ALK: variants seen among roughly 807,000 people sequenced by gnomAD.
ALK encodes the protein ALK tyrosine kinase receptor.
Under a neutral mutation model 163.1 loss-of-function variants are expected in ALK, and 74 were observed. That is an observed-to-expected ratio of 0.45 (90% CI 0.38 to 0.55). The LOEUF is 0.55. Among genes scored for constraint, ALK ranks in the 20% least tolerant of loss-of-function variants. The pLI is 0.00. For synonymous variants in ALK, 960 were observed against 843.2 expected (o/e 1.14, Z -2.40); for missense variants, 2,063 against 2,105.3 (o/e 0.98, Z 0.39).
chr2:29,531,462 C>A (rs995063544), intron 4 of ALK, among the ~76,000 whole-genome samples: 6 of 152,146 alleles, frequency 3.9e-5, no homozygotes, highest in African/African-American at 1.4e-4. Flanking sequence ...CATGACTAAT[C>A]CTGCTCTGGG....
intron 1 of ALK, among the ~76,000 whole-genome samples, chr2:29,859,844 C>T (rs1241858329): frequency 1.3e-5 from 2 of 152,140 alleles, no homozygotes; most frequent in Admixed American, 6.5e-5. Flanking sequence ...CTATGAGGCT[C>T]GGAAGATGTG....
At chr2:29,732,176 A>G (rs1199000651) in intron 1 of ALK, among the ~76,000 whole-genome samples, 1 of 152,250 alleles carries the variant, frequency 6.6e-6, no homozygotes, top group Admixed American at 6.5e-5. Flanking sequence ...GCCTCATAGC[A>G]TGAGATTTTT....
intron 1 of ALK, among the ~76,000 whole-genome samples, chr2:29,724,086 A>G (rs2148312479): frequency 6.6e-6 from 1 of 152,336 alleles, no homozygotes; most frequent in East Asian, 1.9e-4. Context: ...TGTCAGTATA[A>G]GTAATGAAGA....
intron 3 of ALK, among the ~76,000 whole-genome samples, chr2:29,578,829 C>T (rs183995741): frequency 3.3e-5 from 5 of 152,308 alleles, no homozygotes; most frequent in African/African-American, 9.6e-5. Flanking sequence ...CTGGTTAGTG[C>T]AGATCCCAGC....
intron 5 of ALK, among the ~76,000 whole-genome samples, chr2:29,358,977 G>T (rs1001135531): frequency 6.6e-6 from 1 of 152,008 alleles, no homozygotes; most frequent in African/African-American, 2.4e-5. Context: ...GTACAATTAA[G>T]AATATTCTAG....
intron 4 of ALK, among the ~76,000 whole-genome samples, chr2:29,411,154 G>A (rs1669715665): frequency 6.6e-6 from 1 of 151,904 alleles, no homozygotes; most frequent in African/African-American, 2.4e-5. Flanking sequence ...ATTAGCCTAG[G>A]CCTACACATG....
At chr2:29,615,426 T>C (rs1392751272) in intron 3 of ALK, among the ~76,000 whole-genome samples, 1 of 152,238 alleles carries the variant, frequency 6.6e-6, no homozygotes, top group Non-Finnish European at 1.5e-5. Context: ...CTGTCTGTGC[T>C]GTGGTTCCCT....
At chr2:29,279,207 C>T (rs917149220) in intron 9 of ALK, among the ~76,000 whole-genome samples, 51 of 152,236 alleles carry the variant, frequency 3.4e-4, no homozygotes, top group Non-Finnish European at 3.4e-4. Flanking sequence ...ACAGCAGTGG[C>T]AGCTGCTGCT....
intron 3 of ALK, among the ~76,000 whole-genome samples, chr2:29,599,132 A>T (rs1200949074): frequency 6.6e-6 from 1 of 152,116 alleles, no homozygotes; most frequent in African/African-American, 2.4e-5. Flanking sequence ...GGCTGGTTTT[A>T]AAATGACTAC....
intron 27 of ALK, 73 bp from the exon 28 acceptor site, chr2:29,196,933 G>T: frequency 1.5e-6 from 2 of 1,315,984 alleles, no homozygotes; most frequent in Non-Finnish European, 2.2e-6. Flanking sequence ...TCCAGCCCCA[G>T]GGTTGCAACG....
At chr2:29,507,589 T>A (rs1242509420) in intron 4 of ALK, among the ~76,000 whole-genome samples, 1 of 152,172 alleles carries the variant, frequency 6.6e-6, no homozygotes, top group Non-Finnish European at 1.5e-5. Flanking sequence ...GAGGCAGAAA[T>A]GACTTCCAGG....
intron 4 of ALK, among the ~76,000 whole-genome samples, chr2:29,437,166 C>A (rs1350594306): frequency 6.6e-6 from 1 of 152,176 alleles, no homozygotes; most frequent in Non-Finnish European, 1.5e-5. Context: ...TGTGAACACT[C>A]TACAGCCTCC....
intron 8 of ALK, among the ~76,000 whole-genome samples, chr2:29,318,030 A>T (rs1666884880): frequency 6.6e-6 from 1 of 152,240 alleles, no homozygotes; most frequent in Admixed American, 6.5e-5. Context: ...TTGTTATGCC[A>T]TGGAAAATCT....
intron 4 of ALK, among the ~76,000 whole-genome samples, chr2:29,529,486 A>C (rs889861324): frequency 6.6e-6 from 1 of 152,238 alleles, no homozygotes; most frequent in African/African-American, 2.4e-5. Flanking sequence ...ACTGCTGAGT[A>C]CTGCAAATCC....
chr2:29,511,634 T>C (rs1276679995), intron 4 of ALK, among the ~76,000 whole-genome samples: 1 of 152,188 alleles, frequency 6.6e-6, no homozygotes, highest in African/African-American at 2.4e-5. Flanking sequence ...TACGTTTTCA[T>C]CCTCTTGAGT....
Position 29,532,423 on chromosome 2 carries a change from G to A in ALK, c.953-307C>T, listed in dbSNP as rs534380543. ...CTTCGATTTTTCATCTGCAAAACAGGAATAAAAACATCTATTTCAAAAGAC... is the reference window on the plus strand; with the variant it reads ...CTTCGATTTTTCATCTGCAAAACAGAAATAAAAACATCTATTTCAAAAGAC... On this transcript the variant is annotated intron_variant, in intron 3 of 28. Coordinates refer to ENST00000389048, the MANE Select transcript of ALK (RefSeq NM_004304.5). 1.5e-4 allele frequency among the ~76,000 whole-genome samples: 23 copies of A among 152,270 alleles called. No individual in the cohort carries two copies. The South Asian group carries it at 4.8e-3, about 32-fold the overall frequency.
intron 11 of ALK, among the ~76,000 whole-genome samples, chr2:29,271,990 G>C (rs1050719863): frequency 6.6e-6 from 1 of 152,178 alleles, no homozygotes; most frequent in Non-Finnish European, 1.5e-5. Flanking sequence ...AAGGATAGAG[G>C]GGTAGGGAGG....
At chr2:29,248,925 G>C (rs775056426) in intron 12 of ALK, among the ~76,000 whole-genome samples, 10 of 152,256 alleles carry the variant, frequency 6.6e-5, no homozygotes, top group Admixed American at 6.5e-4. Context: ...TGGGGTCGGC[G>C]TGTTCTTGGA....
chr2:29,340,999 T>C (rs1016115501), intron 5 of ALK, among the ~76,000 whole-genome samples: 1 of 152,234 alleles, frequency 6.6e-6, no homozygotes, highest in African/African-American at 2.4e-5. Context: ...GTTTCACTGC[T>C]GAATCCCCAG....
Sources: allele counts gnomAD v4.1 joint callset (sites outside exome capture counted in the v4.1 genomes callset), GRCh38; gene constraint gnomAD v4.1.1; transcripts MANE v1.5; gene names NCBI Gene and HGNC (gene_info 2026-07-23, HGNC 2026-07-21).